PRKN: variants seen among roughly 807,000 people sequenced by gnomAD.
PRKN encodes the protein E3 ubiquitin-protein ligase parkin.
PRKN carries 56 observed loss-of-function variants against 59.5 expected under a neutral mutation model. That is an observed-to-expected ratio of 0.94 (90% CI 0.76 to 1.18). The LOEUF is 1.18. PRKN is among the 50% of genes most tolerant of loss of function. The probability of loss-of-function intolerance (pLI) is 0.00; values close to 1 mark genes in which losing one functional copy is unlikely to be tolerated. For synonymous variants in PRKN, 250 were observed against 222.1 expected (o/e 1.13, Z -1.12); for missense variants, 657 against 596.4 (o/e 1.10, Z -1.06).
At chr6:161,834,013 T>C (rs73785433) in intron 6 of PRKN, among the ~76,000 whole-genome samples, 1,730 of 152,286 alleles carry the variant, frequency 0.011, 34 homozygotes, top group African/African-American at 0.04. Context: ...GACTTTTTAA[T>C]TGATCAAACA....
chr6:161,904,309 G>GTTTTTTTTTT (rs1025317025), intron 6 of PRKN, among the ~76,000 whole-genome samples: 1 of 72,556 alleles, frequency 1.4e-5, no homozygotes, highest in African/African-American at 6.6e-5. Context: ...AATTTGTGGG[G>GTTTTTTTTTT]TTTTTTTTTT....
chr6:161,434,079 G>A (rs4709525), intron 9 of PRKN, among the ~76,000 whole-genome samples: 87,849 of 151,750 alleles, frequency 0.58, 25,778 homozygotes, highest in East Asian at 0.9. Context: ...ACTTAAGCCT[G>A]GGTAAAATTT....
At chr6:161,815,834 C>T (rs1001092) in intron 6 of PRKN, among the ~76,000 whole-genome samples, 89,669 of 151,942 alleles carry the variant, frequency 0.59, 26,756 homozygotes, top group East Asian at 0.69. Context: ...ACAGAGAAGA[C>T]TAGAAAACTG....
intron 7 of PRKN, among the ~76,000 whole-genome samples, chr6:161,701,328 T>G (rs1051208209): frequency 2.0e-5 from 3 of 152,216 alleles, no homozygotes; most frequent in African/African-American, 7.2e-5. Context: ...TTGTGGGTGA[T>G]TAAAATGTGA....
intron 9 of PRKN, among the ~76,000 whole-genome samples, chr6:161,387,953 A>G (rs955210737): frequency 4.6e-5 from 7 of 152,204 alleles, no homozygotes; most frequent in Admixed American, 3.9e-4. Flanking sequence ...CAAGGAACCA[A>G]TGCCCTCTAC....
chr6:162,426,831 C>T (rs1445769926), intron 2 of PRKN, among the ~76,000 whole-genome samples: 1 of 152,186 alleles, frequency 6.6e-6, no homozygotes, highest in African/African-American at 2.4e-5. Flanking sequence ...ACATTAGACA[C>T]AGAAGATACA....
Position 161,488,335 on chromosome 6 carries a change from A to G in PRKN, c.1083+60519T>C, listed in dbSNP as rs144867451. 5.4e-3 allele frequency among the ~76,000 whole-genome samples: 826 copies of G among 152,334 alleles called. 9 individuals carry two copies. The highest frequency in any genetic ancestry group is 0.024 in the Middle Eastern group (7 of 292). ...CGGGCCGAGGACAGAAGGCCAGGTC[A>G]CATAGGTCTTTGTAGTGTGAGAAGA... On this transcript the variant is annotated intron_variant, in intron 9 of 11. Coordinates refer to ENST00000366898, the MANE Select transcript of PRKN (RefSeq NM_004562.3). This position sits in a 1 kb window ranked among gnomAD's most constrained non-coding sequence, Gnocchi z 4.5.
intron 4 of PRKN, among the ~76,000 whole-genome samples, chr6:162,133,993 G>T (rs1201822777): frequency 1.3e-5 from 2 of 152,104 alleles, no homozygotes; most frequent in Non-Finnish European, 2.9e-5. Flanking sequence ...AATATGGAAG[G>T]TTATTTACGA....
intron 1 of PRKN, among the ~76,000 whole-genome samples, chr6:162,664,595 G>C (rs757158578): frequency 6.6e-6 from 1 of 152,080 alleles, no homozygotes; most frequent in African/African-American, 2.4e-5. Context: ...TCTGACTGGC[G>C]TGGCATGGTA....
rs557779561 is a variant in PRKN, at chr6:161,747,851, C to T, written c.871+37921G>A. On this transcript the variant is annotated intron_variant, in intron 7 of 11. Transcript: ENST00000366898. Reference sequence around the variant, plus strand: ...AATTCTCCAATGACTCCTATGAGCACGTAGTTAACAAACGTATCTTAATGT... The same window carrying T: ...AATTCTCCAATGACTCCTATGAGCATGTAGTTAACAAACGTATCTTAATGT... 1.4e-4 allele frequency among the ~76,000 whole-genome samples: 22 copies of T among 152,258 alleles called. 1 individual carries two copies. The South Asian group carries it at 2.1e-3, about 14-fold the overall frequency.
chr6:161,707,836 A>G (rs1331717349), intron 7 of PRKN, among the ~76,000 whole-genome samples: 4 of 152,158 alleles, frequency 2.6e-5, no homozygotes, highest in African/African-American at 9.7e-5. Context: ...CAGGCAAGGA[A>G]GCTTCCTAGG....
At chr6:162,230,704 A>G (rs1378978157) in intron 3 of PRKN, among the ~76,000 whole-genome samples, 1 of 152,178 alleles carries the variant, frequency 6.6e-6, no homozygotes, top group Non-Finnish European at 1.5e-5. Context: ...GCCTGGAGAG[A>G]ATCCCATTCT....
chr6:162,220,717 G>A (rs772367374), intron 3 of PRKN, among the ~76,000 whole-genome samples: 48 of 152,190 alleles, frequency 3.2e-4, no homozygotes, highest in African/African-American at 1.4e-4. Flanking sequence ...CATGGACACA[G>A]AATGGTCTAC....
At chr6:162,555,164 T>C (rs1239736520) in intron 1 of PRKN, among the ~76,000 whole-genome samples, 1 of 152,142 alleles carries the variant, frequency 6.6e-6, no homozygotes, top group African/African-American at 2.4e-5. Flanking sequence ...ATATATTATA[T>C]ATGGAGGCAT....
chr6:161,399,838 A>G lies in PRKN; in HGVS notation c.1084-12961T>C, dbSNP rs765731076. Among the ~76,000 whole-genome samples, 4 of 152,182 alleles carry G rather than the reference A, an allele frequency of 2.6e-5. No homozygotes were observed. The highest frequency in any genetic ancestry group is 4.4e-5 in the Non-Finnish European group (3 of 68,030). On this transcript the variant is annotated intron_variant, in intron 9 of 11. Coordinates refer to ENST00000366898, the MANE Select transcript of PRKN (RefSeq NM_004562.3). The surrounding 1 kb of genome is among the most constrained non-coding windows in gnomAD (Gnocchi z 4.4). ...ACAGTGCTGTCCAATTGAAACAGCA[A>G]TAATTTTTAATGGTCTAGTAGCTAT...
intron 5 of PRKN, among the ~76,000 whole-genome samples, chr6:161,982,435 C>A (rs1781294235): frequency 1.1e-5 from 1 of 93,284 alleles, no homozygotes; most frequent in Admixed American, 1.2e-4. Context: ...AAAAAAGAGC[C>A]CGCATTGCCA....
Position 161,475,237 on chromosome 6 carries a change from A to T in PRKN, c.1083+73617T>A, listed in dbSNP as rs756468144. Among the ~76,000 whole-genome samples the T allele has an allele frequency of 5.9e-5, 9 of 152,274 alleles. No individual in the cohort carries two copies. Among genetic ancestry groups the T allele is most frequent in the African/African-American group, 2.2e-4 (9 of 41,556 alleles). On this transcript the variant is annotated intron_variant, in intron 9 of 11. Transcript: ENST00000366898. This position sits in a 1 kb window ranked among gnomAD's most constrained non-coding sequence, Gnocchi z 5.3. ...GATTGCATGTGATCGCTGCTGTCCT[A>T]TCAACTGGTGTGATGGAGCTGCCAA...
intron 4 of PRKN, among the ~76,000 whole-genome samples, chr6:162,082,841 A>C (rs1246396996): frequency 6.6e-6 from 1 of 152,086 alleles, no homozygotes; most frequent in East Asian, 1.9e-4. Context: ...GTCAGAACAC[A>C]CACAATATTT....
intron 3 of PRKN, among the ~76,000 whole-genome samples, chr6:162,256,950 T>G (rs1779661776): frequency 1.3e-5 from 2 of 152,306 alleles, no homozygotes; most frequent in South Asian, 4.1e-4. Context: ...AGTTACTTTT[T>G]ATTTCTTTAT....
Sources: allele counts gnomAD v4.1 joint callset (sites outside exome capture counted in the v4.1 genomes callset), GRCh38; gene constraint gnomAD v4.1.1; non-coding constraint Gnocchi (gnomAD v3.1); transcripts MANE v1.5; gene names NCBI Gene and HGNC (gene_info 2026-07-23, HGNC 2026-07-21).